The following HS3ST4 variants were observed in gnomAD, a reference collection of about 807,000 sequenced individuals.
HS3ST4 encodes heparan sulfate glucosamine 3-O-sulfotransferase 4.
HS3ST4 carries 17 observed loss-of-function variants against 29.2 expected under a neutral mutation model. The ratio of observed to expected loss-of-function variants is 0.58; its 90% CI spans 0.40 to 0.87. HS3ST4 has a LOEUF of 0.87. Among genes scored for constraint, HS3ST4 ranks in the 40% least tolerant of loss-of-function variants. HS3ST4 has a pLI of 0.00. For synonymous variants in HS3ST4, 314 were observed against 285.7 expected (o/e 1.10, Z -1.00); for missense variants, 627 against 634.5 (o/e 0.99, Z 0.13).
intron 1 of HS3ST4, among the ~76,000 whole-genome samples, chr16:25,793,100 A>C (rs1325960063): frequency 6.6e-6 from 1 of 151,886 alleles, no homozygotes; most frequent in Admixed American, 6.6e-5. Flanking sequence ...TTTGGTTATC[A>C]ACCTGTGGCT....
At chr16:26,070,883 C>T (rs1037731202) in intron 1 of HS3ST4, among the ~76,000 whole-genome samples, 2 of 152,128 alleles carry the variant, frequency 1.3e-5, no homozygotes, top group African/African-American at 2.4e-5. Context: ...AGGAGACCTG[C>T]GATTTAGTCT....
chr16:25,906,350 A>G (rs34129711), intron 1 of HS3ST4, among the ~76,000 whole-genome samples: 42,301 of 151,998 alleles, frequency 0.28, 6,293 homozygotes, highest in East Asian at 0.63. Context: ...TTTTATTCTT[A>G]CCCTATGTAT....
chr16:25,948,238 G>A (rs1019422057), intron 1 of HS3ST4, among the ~76,000 whole-genome samples: 1 of 152,028 alleles, frequency 6.6e-6, no homozygotes, highest in African/African-American at 2.4e-5. Flanking sequence ...CCAAACTCTT[G>A]TATATTCTGC....
At chr16:25,933,107 A>G (rs1968482461) in intron 1 of HS3ST4, among the ~76,000 whole-genome samples, 2 of 152,152 alleles carry the variant, frequency 1.3e-5, no homozygotes, top group Admixed American at 6.6e-5. Flanking sequence ...GCTTCTCGGT[A>G]TCTGTTTCCT....
rs148259060 is a variant in HS3ST4 at position 26,044,958 on chromosome 16, G to T, written c.735-90654G>T. 4.1e-3 allele frequency among the ~76,000 whole-genome samples: 629 copies of T among 152,278 alleles called. 3 individuals carry two copies. Among genetic ancestry groups the T allele is most frequent in the African/African-American group, 0.014 (600 of 41,572 alleles). ...CCTGGACAGGATTGATTGCTGACCA[G>T]TCTACAAATCTCAACGCTCTCCTGG... On this transcript the variant is annotated intron_variant, in intron 1 of 1. Coordinates refer to ENST00000331351, the MANE Select transcript of HS3ST4 (RefSeq NM_006040.3).
chr16:25,879,550 G>C (rs1370976718), intron 1 of HS3ST4, among the ~76,000 whole-genome samples: 2 of 152,038 alleles, frequency 1.3e-5, no homozygotes, highest in Admixed American at 6.6e-5. Flanking sequence ...CAGGAGAACA[G>C]CATGGGAAAG....
intron 1 of HS3ST4, among the ~76,000 whole-genome samples, chr16:26,046,727 A>ATGTGTG (rs759316894): frequency 1.3e-4 from 19 of 151,394 alleles, no homozygotes; most frequent in Non-Finnish European, 2.2e-4. Context: ...ATATATATAT[A>ATGTGTG]TGTGTGTGTG....
chr16:26,070,388 T>C (rs1210320917), intron 1 of HS3ST4, among the ~76,000 whole-genome samples: 1 of 152,174 alleles, frequency 6.6e-6, no homozygotes, highest in Non-Finnish European at 1.5e-5. Flanking sequence ...TCCTTCATAG[T>C]GGCCAGCTCC....
Position 26,059,864 on chromosome 16 carries a change from G to A in HS3ST4, c.735-75748G>A, listed in dbSNP as rs377245728. Among the ~76,000 whole-genome samples the A allele has an allele frequency of 6.3e-4, 96 of 151,998 alleles. 3 individuals are homozygous for A. The East Asian group carries it at 0.012, about 19-fold the overall frequency. ...ACAATCTTGGCTCGCTGCAACCTCC[G>A]CCTCCCTGGTTCAAGCAATTCTCTT... On this transcript the variant is annotated intron_variant, in intron 1 of 1. Transcript: ENST00000331351.
intron 1 of HS3ST4, among the ~76,000 whole-genome samples, chr16:25,895,370 T>C (rs528549094): frequency 3.9e-5 from 6 of 152,196 alleles, no homozygotes; most frequent in South Asian, 2.1e-4. Context: ...TGGAGAATGA[T>C]TGAATGTTTT....
At chr16:25,942,218 G>A (rs1377256741) in intron 1 of HS3ST4, among the ~76,000 whole-genome samples, 1 of 152,012 alleles carries the variant, frequency 6.6e-6, no homozygotes, top group African/African-American at 2.4e-5. Flanking sequence ...GAGACTGGGG[G>A]GAGGAGAAAC....
intron 1 of HS3ST4, among the ~76,000 whole-genome samples, chr16:26,087,695 A>T (rs993861386): frequency 4.6e-5 from 7 of 152,130 alleles, no homozygotes; most frequent in African/African-American, 9.7e-5. Context: ...TGGAATTTTT[A>T]AAAAATATTT....
At chr16:25,993,986 G>GTGTGTT (rs1969136933) in intron 1 of HS3ST4, among the ~76,000 whole-genome samples, 1 of 150,290 alleles carries the variant, frequency 6.7e-6, no homozygotes, top group Non-Finnish European at 1.5e-5. Flanking sequence ...GTGTGTGTGT[G>GTGTGTT]TGTGTGTGTG....
intron 1 of HS3ST4, among the ~76,000 whole-genome samples, chr16:25,827,370 A>G (rs961422080): frequency 2.6e-5 from 4 of 152,186 alleles, no homozygotes; most frequent in Admixed American, 1.3e-4. Context: ...CGACACCTGC[A>G]GGTGTCTATG....
In HS3ST4 at chr16:26,049,470, CTGTG is replaced by C. The variant is rs113562359; in HGVS notation, c.735-86120_735-86117del. 9.9e-4 allele frequency among the ~76,000 whole-genome samples: 143 copies of C among 144,968 alleles called. 2 individuals carry two copies. Among genetic ancestry groups the C allele is most frequent in the Non-Finnish European group, 1.7e-3 (113 of 65,958 alleles). On this transcript the variant is annotated intron_variant, in intron 1 of 1. Transcript: ENST00000331351. ...TAGTTGCAGTGGGGAATGCGTGCCT[CTGTG>C]TGTGTGTGTGTGTGTGTGTGTATGT...
chr16:25,934,870 C>G (rs963050637), intron 1 of HS3ST4, among the ~76,000 whole-genome samples: 1 of 152,098 alleles, frequency 6.6e-6, no homozygotes. Flanking sequence ...CCCCTGCCCC[C>G]GCAACCACGC....
At chr16:25,765,900 G>T (rs934153270) in intron 1 of HS3ST4, among the ~76,000 whole-genome samples, 3 of 152,168 alleles carry the variant, frequency 2.0e-5, no homozygotes, top group Non-Finnish European at 4.4e-5. Context: ...TGGCTGACTT[G>T]CCAGCGTCTC....
intron 1 of HS3ST4, among the ~76,000 whole-genome samples, chr16:26,022,214 C>A (rs1247617291): frequency 6.6e-6 from 1 of 152,136 alleles, no homozygotes; most frequent in Non-Finnish European, 1.5e-5. Flanking sequence ...AGCTACCCTC[C>A]TGCCTCGTCC....
At chr16:25,887,787 T>G (rs1227482023) in intron 1 of HS3ST4, among the ~76,000 whole-genome samples, 1 of 138,186 alleles carries the variant, frequency 7.2e-6, no homozygotes, top group Non-Finnish European at 1.5e-5. Flanking sequence ...CAGCTCCACC[T>G]CCCAGGTTCA....
Sources: allele counts gnomAD v4.1 joint callset (sites outside exome capture counted in the v4.1 genomes callset), GRCh38; gene constraint gnomAD v4.1.1; transcripts MANE v1.5; gene names NCBI Gene and HGNC (gene_info 2026-07-23, HGNC 2026-07-21).